The following GSE1 variants were observed in gnomAD, a reference collection of about 807,000 sequenced individuals.
GSE1 encodes the protein genetic suppressor element 1.
A neutral mutation model predicts 112.6 loss-of-function variants in GSE1; 32 were observed. The observed-to-expected ratio is 0.28, with a 90% CI of 0.21 to 0.38. The LOEUF is 0.38. GSE1 is among the 10% of genes least tolerant of loss of function. The probability of loss-of-function intolerance (pLI) is 1.00; values close to 1 mark genes in which losing one functional copy is unlikely to be tolerated. For missense variants in GSE1, 2,348 were observed against 1,699.2 expected (o/e 1.38, Z -6.71); for synonymous variants, 1,115 against 735.6 (o/e 1.52, Z -8.35).
At chr16:85,612,964 C>T (rs2048090699), upstream of GSE1, among the ~76,000 whole-genome samples, 2 of 152,248 alleles carry the variant, frequency 1.3e-5, no homozygotes, top group Admixed American at 6.5e-5. Context: ...CCCGGGACCC[C>T]CGAGCAGTCC....
chr16:85,423,668 T>A (rs1405110992), intron 2 of GSE1, among the ~76,000 whole-genome samples: 2 of 151,960 alleles, frequency 1.3e-5, no homozygotes, highest in Non-Finnish European at 2.9e-5. Context: ...TGGCCTGGTG[T>A]CCAGAGTGGG....
intron 2 of GSE1, among the ~76,000 whole-genome samples, chr16:85,642,514 C>A (rs35045648): frequency 0.1 from 15,860 of 152,222 alleles, 1,040 homozygotes; most frequent in Non-Finnish European, 0.15. Context: ...GGGTCTGTCG[C>A]TCACCCATCT....
chr16:85,658,578 C>A (rs1361016741), intron 8 of GSE1, among the ~76,000 whole-genome samples: 1 of 152,216 alleles, frequency 6.6e-6, no homozygotes, highest in African/African-American at 2.4e-5. Flanking sequence ...GAATGCGCCC[C>A]CGCTGATCAG....
chr16:85,243,316 G>A (rs1248234834), intron 1 of GSE1, among the ~76,000 whole-genome samples: 1 of 152,214 alleles, frequency 6.6e-6, no homozygotes, highest in African/African-American at 2.4e-5. Context: ...GTTCTTTCTG[G>A]GGGCTACAGG....
At chr16:85,243,855 G>A (rs557898016) in intron 1 of GSE1, among the ~76,000 whole-genome samples, 9 of 152,248 alleles carry the variant, frequency 5.9e-5, no homozygotes, top group African/African-American at 1.2e-4. Flanking sequence ...GGCCAGGCAC[G>A]GTGGCTCACG....
intron 11 of GSE1, among the ~76,000 whole-genome samples, chr16:85,664,062 C>T (rs1418758135): frequency 6.6e-6 from 1 of 152,274 alleles, no homozygotes. Context: ...ACACACTGAG[C>T]AGATGGCTTG....
intron 2 of GSE1, among the ~76,000 whole-genome samples, chr16:85,376,887 TCCGCACA>T (rs1037855952): frequency 6.6e-5 from 10 of 152,184 alleles, no homozygotes; most frequent in South Asian, 4.1e-4. Flanking sequence ...TGCACACCCC[TCCGCACA>T]CCGCACACCG....
rs539594471 is a variant in GSE1 at position 85,259,920 on chromosome 16, A to G, written c.2283+88113A>G. 5.3e-5 allele frequency among the ~76,000 whole-genome samples: 8 copies of G among 152,318 alleles called. 1 individual carries two copies. The East Asian group carries it at 1.5e-3, about 29-fold the overall frequency. On this transcript the variant is annotated intron_variant, in intron 1 of 2. Transcript: ENST00000637419. Reference sequence around the variant, plus strand: ...TACCCCAGCCCAGCTGCAGGGAGAAAGGGCTGGATGGTGACCACTCAAGCA... The same window carrying G: ...TACCCCAGCCCAGCTGCAGGGAGAAGGGGCTGGATGGTGACCACTCAAGCA...
At chr16:85,380,604 T>C (rs2047525364) in intron 2 of GSE1, among the ~76,000 whole-genome samples, 1 of 152,142 alleles carries the variant, frequency 6.6e-6, no homozygotes, top group South Asian at 2.1e-4. Context: ...TAGTGTGGCA[T>C]CTCAGACGTT....
chr16:85,263,913 C>G (rs1373775866), intron 1 of GSE1, among the ~76,000 whole-genome samples: 1 of 152,182 alleles, frequency 6.6e-6, no homozygotes, highest in Non-Finnish European at 1.5e-5. Context: ...GTCTCCTCTG[C>G]CGTCCTGGCC....
In GSE1 at chr16:85,562,679, C is replaced by T. The variant is rs1250861978; in HGVS notation, c.37+6316C>T. Among the ~76,000 whole-genome samples, 3 of 152,208 alleles carry T rather than the reference C, an allele frequency of 2.0e-5. No homozygotes were observed. The East Asian group carries it at 5.8e-4, about 29-fold the overall frequency. ...TTGGCCTCCTGCTTTGAGCCTGGTG[C>T]TCCGTGTCGCTTGCCCATCTTCCTC... On this transcript the variant is annotated intron_variant, in intron 1 of 2. Transcript: ENST00000635906.
chr16:85,582,972 A>G (rs2046515963), intron 1 of GSE1, among the ~76,000 whole-genome samples: 1 of 152,154 alleles, frequency 6.6e-6, no homozygotes, highest in Non-Finnish European at 1.5e-5. Context: ...CGGGGAGGGA[A>G]GCCACACATG....
chr16:85,646,495 T>C (rs1031500719), intron 2 of GSE1, among the ~76,000 whole-genome samples: 21 of 152,224 alleles, frequency 1.4e-4, no homozygotes, highest in African/African-American at 5.1e-4. Context: ...ACTGCTGTGA[T>C]ATCATAGAAT....
intron 2 of GSE1, among the ~76,000 whole-genome samples, chr16:85,538,540 T>C (rs937090016): frequency 6.6e-6 from 1 of 152,190 alleles, no homozygotes; most frequent in Non-Finnish European, 1.5e-5. Flanking sequence ...CTGACGGTGC[T>C]TGTAGCCAGG....
At chr16:85,489,131 G>A (rs542405175) in intron 2 of GSE1, among the ~76,000 whole-genome samples, 6 of 152,110 alleles carry the variant, frequency 3.9e-5, no homozygotes, top group Non-Finnish European at 8.8e-5. Flanking sequence ...CCTGGGCAAC[G>A]CAGGAATGGA....
chr16:85,290,771 A>T (rs1216601914), intron 1 of GSE1, among the ~76,000 whole-genome samples: 3 of 151,012 alleles, frequency 2.0e-5, no homozygotes, highest in African/African-American at 7.3e-5. Context: ...GAGTTGTTTC[A>T]CCTTGTCATG....
intron 1 of GSE1, among the ~76,000 whole-genome samples, chr16:85,262,919 C>G (rs1907855807): frequency 6.6e-6 from 1 of 152,248 alleles, no homozygotes; most frequent in Admixed American, 6.5e-5. Context: ...AGGCCCCGTT[C>G]TAGGCTCAGA....
At chr16:85,517,872 C>T (rs1480483691) in intron 2 of GSE1, among the ~76,000 whole-genome samples, 3 of 152,264 alleles carry the variant, frequency 2.0e-5, no homozygotes, top group Admixed American at 1.3e-4. Context: ...GCCGCGTGGT[C>T]GCGAAAGGCC....
At chr16:85,601,317 G>T (rs1433171520) in intron 1 of GSE1, among the ~76,000 whole-genome samples, 2 of 152,070 alleles carry the variant, frequency 1.3e-5, no homozygotes, top group Non-Finnish European at 2.9e-5. Context: ...GGCAGCAGGG[G>T]TGGGGCAGCC....
Sources: allele counts gnomAD v4.1 joint callset (sites outside exome capture counted in the v4.1 genomes callset), GRCh38; gene constraint gnomAD v4.1.1; transcripts MANE v1.5; gene names NCBI Gene and HGNC (gene_info 2026-07-23, HGNC 2026-07-21).